STPG4: variants seen among roughly 807,000 people sequenced by gnomAD.
The protein encoded by STPG4 is sperm-tail PG-rich repeat containing 4.
In STPG4, 41 loss-of-function variants were observed where a neutral mutation model predicts 31.5. The ratio of observed to expected loss-of-function variants is 1.30; its 90% CI spans 1.01 to 1.69. The LOEUF (loss-of-function observed/expected upper bound fraction) is 1.69. STPG4 is among the 40% of genes most tolerant of loss of function. STPG4 has a pLI of 0.00. For synonymous variants in STPG4, 141 were observed against 103.0 expected (o/e 1.37, Z -2.24); for missense variants, 375 against 293.4 (o/e 1.28, Z -2.03).
At chr2:47,118,210 C>T (rs1042970629) in intron 5 of STPG4, among the ~76,000 whole-genome samples, 16 of 152,174 alleles carry the variant, frequency 1.1e-4, no homozygotes, top group East Asian at 1.9e-4. Context: ...CCCCATCACT[C>T]GCATTGCTGC....
Position 47,104,565 on chromosome 2 carries a change from T to G in STPG4, c.520-14191A>C, listed in dbSNP as rs112739325. On this transcript the variant is annotated intron_variant, in intron 5 of 6. Coordinates refer to ENST00000445927, the MANE Select transcript of STPG4 (RefSeq NM_001163561.2). ...TGCATTCTGACTCCCAGTTCCTCTT[T>G]GCCTTTGAGGATCCCGCAGACCACA... Among the ~76,000 whole-genome samples, 10 of 152,008 alleles carry G rather than the reference T, an allele frequency of 6.6e-5. 1 individual carries two copies. The highest frequency in any genetic ancestry group is 2.4e-4 in the African/African-American group (10 of 41,276).
intron 5 of STPG4, among the ~76,000 whole-genome samples, chr2:47,094,165 A>G (rs1421946415): frequency 6.6e-6 from 1 of 152,202 alleles, no homozygotes; most frequent in Non-Finnish European, 1.5e-5. Flanking sequence ...CCTCGGATTC[A>G]CCAAGCAGCA....
intron 5 of STPG4, among the ~76,000 whole-genome samples, chr2:47,114,188 T>C (rs565291913): frequency 7.9e-5 from 12 of 151,194 alleles, no homozygotes; most frequent in African/African-American, 2.4e-4. Context: ...TTGGACAACA[T>C]AGCAAGACCC....
chr2:47,103,008 G>A lies in STPG4; in HGVS notation c.520-12634C>T, dbSNP rs190544666. 1.0e-3 allele frequency among the ~76,000 whole-genome samples: 152 copies of A among 151,982 alleles called. 2 individuals are homozygous for A. The highest frequency in any genetic ancestry group is 2.7e-3 in the African/African-American group (110 of 41,334). ...AAGAATGCAGCTTTAGCTGCAGCCC[G>A]AGAGTTTGGAGATACCTGGTATCTT... On this transcript the variant is annotated intron_variant, in intron 5 of 6. Coordinates refer to ENST00000445927, the MANE Select transcript of STPG4 (RefSeq NM_001163561.2).
At chr2:47,125,729 T>C (rs1037210578) in intron 5 of STPG4, among the ~76,000 whole-genome samples, 6 of 151,684 alleles carry the variant, frequency 4.0e-5, no homozygotes, top group Non-Finnish European at 7.4e-5. Context: ...ATTTAATTTT[T>C]TTTTTTTTAA....
intron 5 of STPG4, chr2:47,108,569 C>T (rs1362063197): frequency 1.7e-5 from 3 of 171,604 alleles, no homozygotes; most frequent in Admixed American, 6.4e-5. Flanking sequence ...AAGAACCCAC[C>T]AATTCCGGAC....
At chr2:47,113,597 G>T (rs939958280) in intron 5 of STPG4, among the ~76,000 whole-genome samples, 3 of 152,098 alleles carry the variant, frequency 2.0e-5, no homozygotes, top group African/African-American at 7.2e-5. Context: ...TCAAATTAAT[G>T]AATATTTTAA....
chr2:47,108,731 T>G (rs1440761053), intron 5 of STPG4: 2 of 152,726 alleles, frequency 1.3e-5, no homozygotes, highest in African/African-American at 4.8e-5. Context: ...TCAGTGTGGG[T>G]AGGGCAGAGC....
intron 6 of STPG4, among the ~76,000 whole-genome samples, chr2:47,090,018 G>T (rs554335113): frequency 6.6e-6 from 1 of 152,272 alleles, no homozygotes; most frequent in Non-Finnish European, 1.5e-5. Flanking sequence ...CTTCCAACTG[G>T]CCCCATAATT....
At chr2:47,144,407 A>C (rs1686776542) in intron 3 of STPG4, among the ~76,000 whole-genome samples, 2 of 152,220 alleles carry the variant, frequency 1.3e-5, no homozygotes, top group Admixed American at 6.5e-5. Context: ...TAGACTGGAC[A>C]TGGTGGCTCA....
chr2:47,140,781 T>C (rs1420833381), intron 3 of STPG4, among the ~76,000 whole-genome samples: 1 of 152,090 alleles, frequency 6.6e-6, no homozygotes, highest in Non-Finnish European at 1.5e-5. Flanking sequence ...CATAAATAGG[T>C]GGGTCAGAAG....
chr2:47,099,306 AGGGCTGGCAACTGCCCT>A (rs1278916872), intron 5 of STPG4, among the ~76,000 whole-genome samples: 2 of 152,352 alleles, frequency 1.3e-5, no homozygotes, highest in Middle Eastern at 6.8e-3. Context: ...AAACTTGGAC[AGGGCTGGCAACTGCCCT>A]GAACCCTCTC....
In STPG4 at chr2:47,155,118, T is replaced by C; in HGVS notation, c.81+53A>G. ...TTAGAGAGCGGTGGGAAAAGGGTAG[T>C]GGGCCTGGTGAGGGGAGCAGGAGCC... On this transcript the variant is annotated intron_variant, in intron 1 of 6. Coordinates refer to ENST00000445927, the MANE Select transcript of STPG4 (RefSeq NM_001163561.2). The C allele has an allele frequency of 1.9e-6, 3 of 1,541,554 alleles. No individual in the cohort carries two copies. In the South Asian group the frequency reaches 3.4e-5, roughly 17 times the overall value.
intron 3 of STPG4, among the ~76,000 whole-genome samples, chr2:47,146,977 A>G (rs1486929938): frequency 6.6e-6 from 1 of 152,074 alleles, no homozygotes; most frequent in East Asian, 1.9e-4. Context: ...TCTTCTAAAA[A>G]TTTAAAAAAT....
At chr2:47,104,572 G>A (rs921944345) in intron 5 of STPG4, among the ~76,000 whole-genome samples, 3 of 151,914 alleles carry the variant, frequency 2.0e-5, no homozygotes, top group Non-Finnish European at 4.4e-5. Flanking sequence ...CTTTGCCTTT[G>A]AGGATCCCGC....
chr2:47,137,556 C>T (rs1686620787), intron 3 of STPG4, among the ~76,000 whole-genome samples: 1 of 152,164 alleles, frequency 6.6e-6, no homozygotes, highest in African/African-American at 2.4e-5. Flanking sequence ...AAAGAATTGG[C>T]ATAATTCCTT....
At chr2:47,133,831 C>T (rs1192306763) in intron 3 of STPG4, among the ~76,000 whole-genome samples, 2 of 151,978 alleles carry the variant, frequency 1.3e-5, no homozygotes, top group Non-Finnish European at 2.9e-5. Context: ...CCCGCTTTGG[C>T]CTCCCAAAGT....
chr2:47,151,158 C>T, intron 3 of STPG4, 100 bp downstream of exon 3: 2 of 1,408,360 alleles, frequency 1.4e-6, no homozygotes, highest in Middle Eastern at 1.9e-4. Context: ...AAAGGTTTTC[C>T]ATTTCTCCTG....
At chr2:47,111,656 A>T (rs1371726058) in intron 5 of STPG4, among the ~76,000 whole-genome samples, 1 of 151,796 alleles carries the variant, frequency 6.6e-6, no homozygotes, top group Non-Finnish European at 1.5e-5. Flanking sequence ...TTTCAACACA[A>T]TGTTTCTCTG....
Sources: allele counts gnomAD v4.1 joint callset (sites outside exome capture counted in the v4.1 genomes callset), GRCh38; gene constraint gnomAD v4.1.1; transcripts MANE v1.5; gene names NCBI Gene and HGNC (gene_info 2026-07-23, HGNC 2026-07-21).